Variants in ISL2 observed in about 807,000 individuals in gnomAD.
ISL2 encodes the protein insulin gene enhancer protein ISL-2.
Under a neutral mutation model 34.6 loss-of-function variants are expected in ISL2, and 17 were observed. The observed-to-expected ratio is 0.49, with a 90% CI of 0.34 to 0.74. ISL2 has a LOEUF of 0.74. Among genes scored for constraint, ISL2 ranks in the 30% least tolerant of loss-of-function variants. The pLI, the probability that ISL2 is intolerant of heterozygous loss-of-function variation, is 0.01. For synonymous variants in ISL2, 232 were observed against 225.5 expected (o/e 1.03, Z -0.26); for missense variants, 469 against 515.2 (o/e 0.91, Z 0.87).
At chr15:76,338,879 T>C (rs530596847) in intron 3 of ISL2, 356 of 985,320 alleles carry the variant, frequency 3.6e-4, no homozygotes, top group Admixed American at 1.4e-3. Context: ...ATATGTGTTA[T>C]TGTCAGAGGG....
chr15:76,338,989 G>T (rs2040173091), intron 3 of ISL2: 20 of 985,298 alleles, frequency 2.0e-5, no homozygotes, highest in Non-Finnish European at 2.4e-5. Context: ...ACAAAGAGGG[G>T]TTTTTGCCAT....
In ISL2 at chr15:76,336,779, A is replaced by T; in HGVS notation, c.-105A>T. ...GGGCCGGTGCGGAATCGCTCCTTCA[A>T]CTCCGCGGGGCAGTAGGAGTTAGTT... On this transcript the variant is annotated 5_prime_UTR_variant, in exon 1 of 6. Coordinates refer to ENST00000290759, the MANE Select transcript of ISL2 (RefSeq NM_145805.3). The T allele has an allele frequency of 9.9e-7, 1 of 1,009,390 alleles. No homozygotes were observed. Among genetic ancestry groups the T allele is most frequent in the Admixed American group, 1.7e-5 (1 of 58,450 alleles). The allele number at this position is 1,009,390 out of a possible 1,614,324, so 62.5% of individuals were successfully genotyped here.
chr15:76,340,406 G>T lies in ISL2; in HGVS notation c.642G>T (p.Pro214=), dbSNP rs778687295. 2 of 1,613,704 alleles carry T rather than the reference G, an allele frequency of 1.2e-6. No individual in the cohort carries two copies. Among genetic ancestry groups the T allele is most frequent in the Admixed American group, 3.3e-5 (2 of 60,036 alleles). The change falls in exon 4 of 6, where the codon CCG becomes CCT. Residue 214 remains proline (P), a synonymous_variant. Coordinates refer to ENST00000290759, the MANE Select transcript of ISL2 (RefSeq NM_145805.3). ...HTLRTCYAAN[P]RPDALMKEQL... The stretch of plus-strand genomic sequence containing the variant: ...TGCGGACCTGCTACGCCGCCAACCC[G>T]CGGCCCGACGCTCTCATGAAGGAGC...
chr15:76,342,002 A>G lies in ISL2; in HGVS notation c.*167A>G. On this transcript the variant is annotated 3_prime_UTR_variant, in exon 6 of 6. Coordinates refer to ENST00000290759, the MANE Select transcript of ISL2 (RefSeq NM_145805.3). ...GGTCTGGACAGCCCAAGGCGCCAGG[A>G]TGCAACCTGCTTTCACCAGACTGCA... is the stretch of plus-strand genomic sequence containing the variant. 1 of 599,514 alleles carries G rather than the reference A, an allele frequency of 1.7e-6. No homozygotes were observed. The highest frequency in any genetic ancestry group is 2.0e-5 in the South Asian group (1 of 48,976). 37.1% of individuals were successfully genotyped at this position (599,514 alleles called of 1,614,324 possible).
intron 2 of ISL2, 120 bp from the exon 3 acceptor site, chr15:76,338,132 G>T (rs2040166480): frequency 1.4e-5 from 20 of 1,384,868 alleles, no homozygotes; most frequent in East Asian, 3.0e-5. Flanking sequence ...CCCGCAGGCG[G>T]GTCACCGCAG....
At position 76,337,830 on chromosome 15, in the gene ISL2, G is replaced by A. The variant is rs756300672; in HGVS notation, c.111G>A (p.Gln37=). 7 of 1,612,058 alleles carry A rather than the reference G, an allele frequency of 4.3e-6. No homozygotes were observed. The change falls in exon 2 of 6, where the codon CAG becomes CAA. Residue 37 remains glutamine (Q), a synonymous_variant. Transcript: ENST00000290759. ...CVGCGSQIHD[Q]FILRVSPDLE... ...GCTGCGGGAGTCAGATCCACGACCA[G>A]TTTATCCTGCGGGTGTCGCCCGACC...
chr15:76,341,857 C>G lies in ISL2; in HGVS notation c.*22C>G. ...GTGAGGGGGACCCCTCCCTGCCAGC[C>G]CGCGGACCTCGCATGCTCCCTGCAT... On this transcript the variant is annotated 3_prime_UTR_variant, in exon 6 of 6. Transcript: ENST00000290759. 1 of 1,514,394 alleles carries G rather than the reference C, an allele frequency of 6.6e-7. No individual in the cohort carries two copies. Among genetic ancestry groups the G allele is most frequent in the Non-Finnish European group, 9.2e-7 (1 of 1,090,312 alleles). The allele number at this position is 1,514,394 out of a possible 1,614,324, so 93.8% of individuals were successfully genotyped here.
rs142844685 is a variant in ISL2, at chr15:76,336,928, T to G, written c.45T>G (p.Gly15=). 34 of 1,611,914 alleles carry G rather than the reference T, an allele frequency of 2.1e-5. No homozygotes were observed. The African/African-American group carries it at 4.4e-4, about 21-fold the overall frequency. ...ATTATCCTTTTCTGGGTGCTATGGG[T>G]GATCATTCCAAGAGTAAGTATTTCT... is the stretch of plus-strand genomic sequence containing the variant. The part of the protein sequence containing the change: ...IFHYPFLGAM[G]DHSKKKPGTA... Residue 15 remains glycine (G), a synonymous_variant, in exon 1 of 6, where the codon GGT becomes GGG. Coordinates refer to ENST00000290759, the MANE Select transcript of ISL2 (RefSeq NM_145805.3).
chr15:76,341,974 C>G lies in ISL2; in HGVS notation c.*139C>G. 1 of 671,700 alleles carries G rather than the reference C, an allele frequency of 1.5e-6. No individual in the cohort carries two copies. 41.6% of individuals were successfully genotyped at this position (671,700 alleles called of 1,614,324 possible). A position where few individuals can be genotyped will look rare whatever the true frequency, so the allele number is the denominator to read the frequency against. On this transcript the variant is annotated 3_prime_UTR_variant, in exon 6 of 6. Coordinates refer to ENST00000290759, the MANE Select transcript of ISL2 (RefSeq NM_145805.3). ...TTATTTATGAGAGAGTACCGAGAGA[C>G]ACGGTCTGGACAGCCCAAGGCGCCA...
At chr15:76,339,897 C>T in intron 3 of ISL2, 1 of 1,060,048 alleles carries the variant, frequency 9.4e-7, no homozygotes, top group Non-Finnish European at 1.1e-6. Flanking sequence ...CCTGGGCAAG[C>T]CTCTTTCCTC....
At chr15:76,339,913 C>G (rs1010173040) in intron 3 of ISL2, 2 of 1,076,364 alleles carry the variant, frequency 1.9e-6, no homozygotes, top group Non-Finnish European at 2.3e-6. Flanking sequence ...TCCTCTTCCT[C>G]TGAAACTCCG....
intron 1 of ISL2, 71 bp from the exon 2 acceptor site, chr15:76,337,707 G>C (rs2040161451): frequency 5.0e-6 from 7 of 1,394,038 alleles, no homozygotes; most frequent in Non-Finnish European, 6.7e-6. Context: ...TTGGGTTGGG[G>C]CTGGAGTAGC....
rs1479975310 is a variant in ISL2 at position 76,341,855 on chromosome 15, G to C, written c.*20G>C. On this transcript the variant is annotated 3_prime_UTR_variant, in exon 6 of 6. Coordinates refer to ENST00000290759, the MANE Select transcript of ISL2 (RefSeq NM_145805.3). The stretch of plus-strand genomic sequence containing the variant: ...ACGTGAGGGGGACCCCTCCCTGCCA[G>C]CCCGCGGACCTCGCATGCTCCCTGC... 1 of 1,537,958 alleles carries C rather than the reference G, an allele frequency of 6.5e-7. No homozygotes were observed. The highest frequency in any genetic ancestry group is 1.4e-5 in the African/African-American group (1 of 73,442).
intron 3 of ISL2, 87 bp downstream of exon 3, chr15:76,338,601 T>C (rs1310741770): frequency 1.6e-6 from 2 of 1,251,620 alleles, no homozygotes; most frequent in East Asian, 3.3e-5. Flanking sequence ...TAACGAGAAG[T>C]TGTCAGTTGT....
At chr15:76,338,066 A>T in intron 2 of ISL2, 99 bp downstream of exon 2, 6 of 1,312,372 alleles carry the variant, frequency 4.6e-6, no homozygotes, top group Non-Finnish European at 6.0e-6. Context: ...CTGCCCAGGG[A>T]GAAGGCCATC....
chr15:76,338,309 G>C lies in ISL2; in HGVS notation c.306G>C (p.Val102=). 1 of 1,584,974 alleles carries C rather than the reference G, an allele frequency of 6.3e-7. No individual in the cohort carries two copies. The highest frequency in any genetic ancestry group is 8.5e-7 in the Non-Finnish European group (1 of 1,170,738). The part of the protein sequence containing the change: ...CQVGFSSSDL[V]MRARDSVYHI... The stretch of plus-strand genomic sequence containing the variant: ...TGGGCTTCAGCAGCAGCGACCTGGT[G>C]ATGAGGGCGCGGGACAGCGTGTACC... The change falls in exon 3 of 6, where the codon GTG becomes GTC. Residue 102 remains valine, a synonymous_variant. Coordinates refer to ENST00000290759, the MANE Select transcript of ISL2 (RefSeq NM_145805.3).
chr15:76,337,950 C>T lies in ISL2; in HGVS notation c.231C>T (p.Cys77=), dbSNP rs753949754. Reference sequence around the variant, plus strand: ...TCGTGAGAGACGGGAAGACCTACTGCAAGCGGGACTATGTCAGGTGAGGCC... The same window carrying T: ...TCGTGAGAGACGGGAAGACCTACTGTAAGCGGGACTATGTCAGGTGAGGCC... ...TCFVRDGKTY[C]KRDYVRLFGI... is the part of the protein sequence containing the mutation. Residue 77 remains cysteine (C), a synonymous_variant, in exon 2 of 6, where the codon TGC becomes TGT. Transcript: ENST00000290759. 2.1e-5 allele frequency: 33 copies of T among 1,605,688 alleles called. No homozygotes were observed. Among genetic ancestry groups the T allele is most frequent in the Non-Finnish European group, 1.7e-6 (2 of 1,175,918 alleles).
At position 76,341,770 on chromosome 15, in the gene ISL2, A is replaced by T; in HGVS notation, c.1015A>T (p.Thr339Ser). The change falls in exon 6 of 6, where the codon ACC becomes TCC. Residue 339 changes from threonine (T) to serine (S), a missense_variant. Thr to Ser is a moderately conservative substitution (Grantham distance 58). Around this residue, in one of 3 missense-constraint regions of ISL2, gnomAD observed 169 missense variants for 154.2 expected, o/e 1.10. Transcript: ENST00000290759. ...SLGNSSGSDV[T>S]SLSSQLPDTP... Reference sequence around the variant, plus strand: ...AGGCAACTCCTCCGGCAGCGACGTGACCTCCCTGTCCTCGCAGCTCCCGGA... The same window carrying T: ...AGGCAACTCCTCCGGCAGCGACGTGTCCTCCCTGTCCTCGCAGCTCCCGGA... 1.2e-6 allele frequency: 2 copies of T among 1,612,990 alleles called. No homozygotes were observed. The highest frequency in any genetic ancestry group is 1.7e-6 in the Non-Finnish European group (2 of 1,179,828).
Position 76,341,446 on chromosome 15 carries a change from G to T in ISL2, c.963+145G>T, listed in dbSNP as rs1038077993. ...CGGTGGGGGAGGGGGAACAGTGGCG[G>T]GCTCTGAAACCTCACCTCGGCCCAT... On this transcript the variant is annotated intron_variant, in intron 5 of 5. Coordinates refer to ENST00000290759, the MANE Select transcript of ISL2 (RefSeq NM_145805.3). 8.0e-5 allele frequency: 66 copies of T among 827,608 alleles called. No homozygotes were observed. The East Asian group carries it at 1.7e-3, about 21-fold the overall frequency. The allele number at this position is 827,608 out of a possible 1,614,324, so 51.3% of individuals were successfully genotyped here. A position where few individuals can be genotyped will look rare whatever the true frequency, so the allele number is the denominator to read the frequency against.
Sources: allele counts gnomAD v4.1 joint callset, GRCh38; gene constraint gnomAD v4.1.1; regional missense constraint gnomAD v4.1.1; transcripts MANE v1.5; gene names NCBI Gene and HGNC (gene_info 2026-07-23, HGNC 2026-07-21).